MTMR10: variants seen among roughly 807,000 people sequenced by gnomAD.
The protein encoded by MTMR10 is myotubularin-related protein 10.
MTMR10 carries 56 observed loss-of-function variants against 88.1 expected under a neutral mutation model. That is an observed-to-expected ratio of 0.64 (90% CI 0.51 to 0.79). MTMR10 has a LOEUF of 0.79. Among genes scored for constraint, MTMR10 ranks in the 30% least tolerant of loss-of-function variants. The pLI, the probability that MTMR10 is intolerant of heterozygous loss-of-function variation, is 0.00. For missense variants in MTMR10, 883 were observed against 924.7 expected (o/e 0.95, Z 0.58); for synonymous variants, 380 against 340.9 (o/e 1.11, Z -1.26).
At chr15:30,925,705 G>A in the MTMR10 span, 11 of 1,476,816 alleles carry the variant, frequency 7.4e-6, no homozygotes, top group Non-Finnish European at 1.0e-5. Context: ...GGTAAGGGAG[G>A]TCAATCCTCA....
At chr15:30,962,789 T>C (rs2063419937) in intron 6 of MTMR10, among the ~76,000 whole-genome samples, 3 of 152,144 alleles carry the variant, frequency 2.0e-5, no homozygotes, top group African/African-American at 4.8e-5. Context: ...CTGAGTGCAA[T>C]GAAGATGCAA....
chr15:30,929,572 A>C, the MTMR10 span, among the ~76,000 whole-genome samples: 1 of 125,112 alleles, frequency 8.0e-6, no homozygotes. Flanking sequence ...TATCTTTATT[A>C]TATTTATTAT....
the MTMR10 span, among the ~76,000 whole-genome samples, chr15:30,924,754 G>A: frequency 6.6e-6 from 1 of 151,864 alleles, no homozygotes; most frequent in Non-Finnish European, 1.5e-5. Flanking sequence ...GTGGATCCGG[G>A]GTGGGACACA....
intron 12 of MTMR10, chr15:30,949,865 A>C (rs2063218974): frequency 6.6e-6 from 1 of 152,266 alleles, no homozygotes; most frequent in Non-Finnish European, 1.5e-5. Context: ...CCAGCGGCAA[A>C]AGGCCACATA....
At chr15:30,922,944 G>A in the MTMR10 span, among the ~76,000 whole-genome samples, 114 of 152,352 alleles carry the variant, frequency 7.5e-4, 1 homozygote, top group South Asian at 2.3e-3. Flanking sequence ...ACAGCCAGGC[G>A]GGTGAGGCCG....
At chr15:30,936,836 C>G (rs1371531458), downstream of MTMR10, among the ~76,000 whole-genome samples, 2 of 150,446 alleles carry the variant, frequency 1.3e-5, no homozygotes, top group African/African-American at 4.9e-5. Flanking sequence ...GGAGCTGTGG[C>G]TCACTGCTGC....
In MTMR10 at chr15:30,939,062, C is replaced by G; in HGVS notation, c.*2408G>C. The G allele has an allele frequency of 2.0e-6, 2 of 985,414 alleles. No individual in the cohort carries two copies. Among genetic ancestry groups the G allele is most frequent in the Non-Finnish European group, 2.4e-6 (2 of 829,912 alleles). The allele number at this position is 985,414 out of a possible 1,614,324, so 61.0% of individuals were successfully genotyped here. A position where few individuals can be genotyped will look rare whatever the true frequency, so the allele number is the denominator to read the frequency against. On this transcript the variant is annotated 3_prime_UTR_variant, in exon 16 of 16. Coordinates refer to ENST00000435680, the MANE Select transcript of MTMR10 (RefSeq NM_017762.3). ...GAACTCAAGTCATCAATTTTAGGCA[C>G]AAAGGTTTTAGTTTTCTCGGGAAAT...
chr15:30,961,690 C>T lies in MTMR10; in HGVS notation c.566-617G>A, dbSNP rs1055652284. ...CATGATATTGAAAACACTTTGATCA[C>T]GCCGGACCACTCTAGCTACTATGCT... On this transcript the variant is annotated intron_variant, in intron 6 of 15. Transcript: ENST00000435680. Among the ~76,000 whole-genome samples, 11 of 152,286 alleles carry T rather than the reference C, an allele frequency of 7.2e-5. No individual in the cohort carries two copies. The East Asian group carries it at 1.2e-3, about 16-fold the overall frequency.
At chr15:30,983,953 C>T (rs955191031) in intron 2 of MTMR10, among the ~76,000 whole-genome samples, 10 of 151,998 alleles carry the variant, frequency 6.6e-5, no homozygotes, top group Non-Finnish European at 8.8e-5. Flanking sequence ...GGTATAGTGC[C>T]GATCTCAGGA....
intron 6 of MTMR10, among the ~76,000 whole-genome samples, chr15:30,966,699 AT>A (rs769185727): frequency 6.6e-6 from 1 of 151,134 alleles, no homozygotes; most frequent in Non-Finnish European, 1.5e-5. Flanking sequence ...ACTTCAAAAA[AT>A]AACTGTATTG....
At chr15:30,954,087 T>A in intron 10 of MTMR10, among the ~76,000 whole-genome samples, 1 of 152,202 alleles carries the variant, frequency 6.6e-6, no homozygotes, top group South Asian at 2.1e-4. Flanking sequence ...AGCCACTGCA[T>A]GAGGACAGGC....
At chr15:30,967,072 C>T (rs1367152344) in intron 6 of MTMR10, among the ~76,000 whole-genome samples, 1 of 151,944 alleles carries the variant, frequency 6.6e-6, no homozygotes. Context: ...AATTTCAGTA[C>T]AATTAATAAT....
Position 30,941,437 on chromosome 15 carries a change from G to A in MTMR10, c.*33C>T. ...TTAATTCAGAGGAAAAAAGTTGACA[G>A]CTTCCCTCAAAATGTTCAGAAAACA... On this transcript the variant is annotated 3_prime_UTR_variant, in exon 16 of 16. Coordinates refer to ENST00000435680, the MANE Select transcript of MTMR10 (RefSeq NM_017762.3). The A allele has an allele frequency of 1.9e-6, 3 of 1,572,696 alleles. No homozygotes were observed. Among genetic ancestry groups the A allele is most frequent in the Admixed American group, 1.9e-5 (1 of 53,518 alleles).
chr15:30,968,094 A>T, intron 5 of MTMR10, 84 bp from the exon 6 acceptor site: 1 of 958,930 alleles, frequency 1.0e-6, no homozygotes, highest in Non-Finnish European at 1.6e-6. Context: ...CACTGGGAGC[A>T]TCATCTTGGG....
intron 5 of MTMR10, chr15:30,968,283 A>C (rs574882080): frequency 2.6e-4 from 71 of 273,388 alleles, no homozygotes; most frequent in African/African-American, 1.5e-3. Context: ...AAGTAATTTT[A>C]GTCCAATAAA....
intron 2 of MTMR10, among the ~76,000 whole-genome samples, chr15:30,977,995 A>G (rs2141055225): frequency 6.6e-6 from 1 of 152,232 alleles, no homozygotes; most frequent in South Asian, 2.1e-4. Flanking sequence ...CCTCCCTCTC[A>G]TGGCTGGGAG....
intron 2 of MTMR10, among the ~76,000 whole-genome samples, chr15:30,978,679 G>C (rs1436982182): frequency 4.6e-5 from 7 of 152,048 alleles, no homozygotes; most frequent in Non-Finnish European, 2.9e-5. Flanking sequence ...CACAGATAAA[G>C]GATTTGCACC....
intron 14 of MTMR10, 69 bp downstream of exon 14, chr15:30,947,061 T>C: frequency 2.0e-6 from 3 of 1,488,456 alleles, no homozygotes; most frequent in Non-Finnish European, 1.8e-6. Context: ...CAGTGAATTA[T>C]ACTTCAATTA....
Position 30,990,714 on chromosome 15 carries a change from C to G in MTMR10, c.121+63G>C, listed in dbSNP as rs1307909538. On this transcript the variant is annotated intron_variant, in intron 2 of 15. Transcript: ENST00000435680. Reference sequence around the variant, plus strand: ...AAGTTAACCACATGATACTAGTCGGCAGAATAATCTTAAACCAAAATACGT... The same window carrying G: ...AAGTTAACCACATGATACTAGTCGGGAGAATAATCTTAAACCAAAATACGT... The G allele has an allele frequency of 4.4e-6, 6 of 1,378,998 alleles. No homozygotes were observed. In the African/African-American group the frequency reaches 8.6e-5, roughly 20 times the overall value. 85.4% of individuals were successfully genotyped at this position (1,378,998 alleles called of 1,614,324 possible).
Sources: gnomAD v4.1 joint callset for allele counts (sites outside exome capture counted in the v4.1 genomes callset) on GRCh38, gnomAD v4.1.1 for gene constraint, MANE v1.5 for transcripts, NCBI Gene and HGNC (gene_info 2026-07-23, HGNC 2026-07-21) for gene names.